Variants in SEMA6D observed in about 807,000 individuals in gnomAD.
The protein encoded by SEMA6D is semaphorin 6D, also known as semaphorin-6D.
A neutral mutation model predicts 106.6 loss-of-function variants in SEMA6D; 35 were observed. The ratio of observed to expected loss-of-function variants is 0.33; its 90% CI spans 0.25 to 0.44. The LOEUF (loss-of-function observed/expected upper bound fraction) is 0.44, where lower values mean the gene tolerates loss of function less well. SEMA6D is among the 20% of genes least tolerant of loss of function. SEMA6D has a pLI of 1.00. For missense variants in SEMA6D, 1,185 were observed against 1,345.9 expected, an observed-to-expected ratio of 0.88 and a Z score of 1.87; for synonymous variants, 499 against 487.7, an observed-to-expected ratio of 1.02 and a Z score of -0.31.
In SEMA6D at chr15:47,477,254, C is replaced by T. The variant is rs181388411; in HGVS notation, c.-87+6709C>T. ...TGCATGTAAATTATGTTATCAGTCC[C>T]GTCCTAATAACCTGGATAGAGTATG... On this transcript the variant is annotated intron_variant, in intron 3 of 19. Coordinates refer to the SEMA6D transcript ENST00000558014. Among the ~76,000 whole-genome samples, 6 of 152,230 alleles carry T rather than the reference C, an allele frequency of 3.9e-5. No individual in the cohort carries two copies. In the East Asian group the frequency reaches 5.8e-4, roughly 15 times the overall value.
chr15:47,374,235 A>G (rs1280536994), intron 1 of SEMA6D, among the ~76,000 whole-genome samples: 1 of 152,214 alleles, frequency 6.6e-6, no homozygotes, highest in Non-Finnish European at 1.5e-5. Flanking sequence ...AGAGAAAACA[A>G]TGGGATGAGA....
chr15:47,741,633 G>A (rs2080822259), intron 1 of SEMA6D, among the ~76,000 whole-genome samples: 1 of 152,114 alleles, frequency 6.6e-6, no homozygotes. Context: ...AGAATTGCTT[G>A]AACCCAGGAA....
At chr15:47,347,481 C>T (rs2038094360) in intron 1 of SEMA6D, among the ~76,000 whole-genome samples, 2 of 152,202 alleles carry the variant, frequency 1.3e-5, no homozygotes, top group Non-Finnish European at 1.5e-5. Context: ...ACCTGCTGGG[C>T]ATCCATAATC....
intron 1 of SEMA6D, among the ~76,000 whole-genome samples, chr15:47,348,673 T>TCACA (rs71118173): frequency 0.024 from 2,524 of 104,910 alleles, 71 homozygotes; most frequent in East Asian, 0.04. Flanking sequence ...CAAGAGTACA[T>TCACA]CACACACACA....
intron 1 of SEMA6D, among the ~76,000 whole-genome samples, chr15:47,726,347 CT>C (rs1309917901): frequency 6.6e-6 from 1 of 152,244 alleles, no homozygotes; most frequent in African/African-American, 2.4e-5. Context: ...GCCTGGTACA[CT>C]TTTAAGAACA....
chr15:47,310,943 T>G (rs2036426055), intron 1 of SEMA6D, among the ~76,000 whole-genome samples: 1 of 152,224 alleles, frequency 6.6e-6, no homozygotes, highest in African/African-American at 2.4e-5. Context: ...GGATCAATTA[T>G]ATACTGCCTA....
chr15:47,344,902 A>G (rs1008192818), intron 1 of SEMA6D, among the ~76,000 whole-genome samples: 2 of 152,206 alleles, frequency 1.3e-5, no homozygotes, highest in Non-Finnish European at 2.9e-5. Context: ...ACGTTTTTGT[A>G]TACTAGCAAT....
At chr15:47,279,523 T>C (rs1369140530) in intron 1 of SEMA6D, among the ~76,000 whole-genome samples, 1 of 148,950 alleles carries the variant, frequency 6.7e-6, no homozygotes, top group Non-Finnish European at 1.5e-5. Context: ...TTTATTTCCT[T>C]CTCCTGCCTA....
intron 1 of SEMA6D, among the ~76,000 whole-genome samples, chr15:47,250,545 T>C: frequency 6.9e-6 from 1 of 145,078 alleles, no homozygotes; most frequent in East Asian, 3.7e-4. Context: ...TGTATATTTG[T>C]TTAAAAACTT....
chr15:47,459,561 C>G (rs572504140), intron 2 of SEMA6D, among the ~76,000 whole-genome samples: 2 of 151,934 alleles, frequency 1.3e-5, no homozygotes, highest in South Asian at 4.2e-4. Context: ...AGACAGACCA[C>G]GGAGAAACAG....
intron 1 of SEMA6D, among the ~76,000 whole-genome samples, chr15:47,349,133 T>A (rs1299587438): frequency 1.3e-5 from 2 of 151,504 alleles, no homozygotes; most frequent in Non-Finnish European, 2.9e-5. Context: ...TTCTACACAG[T>A]ATAAACACAG....
chr15:47,746,980 G>GTATATATATATA lies in SEMA6D; in HGVS notation c.-54-12764_-54-12763insATATATATATAT, dbSNP rs752559574. Among the ~76,000 whole-genome samples the GTATATATATATA allele has an allele frequency of 3.5e-3, 407 of 116,706 alleles. 1 individual carries two copies. Among genetic ancestry groups the GTATATATATATA allele is most frequent in the East Asian group, 8.3e-3 (33 of 3,990 alleles). 76.6% of individuals were successfully genotyped at this position (116,706 alleles called of 152,430 possible). On this transcript the variant is annotated intron_variant, in intron 1 of 18. Transcript: ENST00000536845. ...CACAACAGTCTCCTGCTGTGTGTGT[G>GTATATATATATA]TGTGTATATATATATATATATATTT...
At chr15:47,751,052 T>C (rs8032546) in intron 1 of SEMA6D, among the ~76,000 whole-genome samples, 72 of 152,284 alleles carry the variant, frequency 4.7e-4, no homozygotes, top group African/African-American at 1.7e-3. Context: ...GGAATCTGTA[T>C]ATATAGTGAT....
At chr15:47,542,884 A>G (rs2045399904) in intron 3 of SEMA6D, among the ~76,000 whole-genome samples, 1 of 152,116 alleles carries the variant, frequency 6.6e-6, no homozygotes, top group African/African-American at 2.4e-5. Context: ...CTTCCTAGCA[A>G]TGACTGTGCA....
intron 4 of SEMA6D, among the ~76,000 whole-genome samples, chr15:47,647,231 C>T (rs1373360320): frequency 6.6e-6 from 1 of 152,172 alleles, no homozygotes; most frequent in East Asian, 1.9e-4. Flanking sequence ...CCAAGATATA[C>T]ACCTTTCTAA....
intron 4 of SEMA6D, among the ~76,000 whole-genome samples, chr15:47,685,912 A>T (rs753617064): frequency 6.6e-6 from 1 of 152,234 alleles, no homozygotes; most frequent in Non-Finnish European, 1.5e-5. Context: ...TTGCCTGATT[A>T]AAAGATGCAT....
At chr15:47,504,791 G>T (rs2043981609) in intron 3 of SEMA6D, among the ~76,000 whole-genome samples, 1 of 152,158 alleles carries the variant, frequency 6.6e-6, no homozygotes, top group South Asian at 2.1e-4. Context: ...AAAAGAGGAA[G>T]AGGCTAATTT....
At chr15:47,307,837 G>C (rs1447796240) in intron 1 of SEMA6D, among the ~76,000 whole-genome samples, 1 of 152,104 alleles carries the variant, frequency 6.6e-6, no homozygotes, top group Non-Finnish European at 1.5e-5. Context: ...TAGTAATTAT[G>C]CTTCATTACT....
intron 1 of SEMA6D, among the ~76,000 whole-genome samples, chr15:47,756,896 ATTTTT>A: frequency 7.5e-6 from 1 of 133,682 alleles, no homozygotes; most frequent in South Asian, 2.4e-4. Flanking sequence ...TCTGAATGTA[ATTTTT>A]TTTTTTTTTT....
Sources: allele counts gnomAD v4.1 joint callset (sites outside exome capture counted in the v4.1 genomes callset), GRCh38; gene constraint gnomAD v4.1.1; transcripts MANE v1.5; gene names NCBI Gene and HGNC (gene_info 2026-07-23, HGNC 2026-07-21).